The following SEC22C variants were observed in gnomAD, a reference collection of about 807,000 sequenced individuals.
SEC22C encodes the protein SEC22 homolog C, vesicle trafficking protein, also known as vesicle-trafficking protein SEC22c.
In SEC22C, 29 loss-of-function variants were observed where a neutral mutation model predicts 34.7. That is an observed-to-expected ratio of 0.84 (90% CI 0.62 to 1.14). The LOEUF (loss-of-function observed/expected upper bound fraction) is 1.14. Ranked by LOEUF, SEC22C falls within the 50% of genes most tolerant of loss-of-function variation. The probability of loss-of-function intolerance (pLI) is 0.00; values close to 1 mark genes in which losing one functional copy is unlikely to be tolerated. For missense variants in SEC22C, 337 were observed against 369.0 expected (o/e 0.91, Z 0.71); for synonymous variants, 117 against 132.8 (o/e 0.88, Z 0.82).
chr3:42,597,177 G>A (rs1234691816), intron 1 of SEC22C, among the ~76,000 whole-genome samples: 1 of 152,204 alleles, frequency 6.6e-6, no homozygotes, highest in Non-Finnish European at 1.5e-5. Flanking sequence ...TGGACTCTCA[G>A]GGAGGTAGAA....
rs1577330066 is a variant in SEC22C at position 42,569,166 on chromosome 3, C to A, written c.-27-93G>T. ...AAATGCCCACTCTAGGGTTTTTCAC[C>A]CTCATTCTTACTATAATTGCAAATG... On this transcript the variant is annotated intron_variant, in intron 1 of 6. Coordinates refer to ENST00000264454, the MANE Select transcript of SEC22C (RefSeq NM_032970.4). 11 of 760,928 alleles carry A rather than the reference C, an allele frequency of 1.4e-5. No individual in the cohort carries two copies. In the South Asian group the frequency reaches 2.0e-4, roughly 14 times the overall value. The allele number at this position is 760,928 out of a possible 1,614,324, so 47.1% of individuals were successfully genotyped here. A position where few individuals can be genotyped will look rare whatever the true frequency, so the allele number is the denominator to read the frequency against.
chr3:42,548,834 C>G lies in SEC22C; in HGVS notation c.*4414G>C, dbSNP rs777236431. On this transcript the variant is annotated 3_prime_UTR_variant, in exon 7 of 7. Coordinates refer to ENST00000264454, the MANE Select transcript of SEC22C (RefSeq NM_032970.4). ...CAGAAGAAATGGCTGTGCTGTGCTG[C>G]CTGAAGCAGAAAAACCTTCATGTAC... 56 of 1,412,314 alleles carry G rather than the reference C, an allele frequency of 4.0e-5. No individual in the cohort carries two copies. The highest frequency in any genetic ancestry group is 5.2e-5 in the Non-Finnish European group (56 of 1,083,082). 87.5% of individuals were successfully genotyped at this position (1,412,314 alleles called of 1,614,324 possible).
chr3:42,568,778 T>C (rs769838971), intron 2 of SEC22C, 87 bp downstream of exon 2: 15 of 1,081,432 alleles, frequency 1.4e-5, no homozygotes, highest in Non-Finnish European at 1.7e-5. Flanking sequence ...TAATACACAA[T>C]GTGATCAGCA....
rs1702868385 is a variant in SEC22C, at chr3:42,561,027, A to G, written c.526+90T>C. On this transcript the variant is annotated intron_variant, in intron 4 of 6. Coordinates refer to ENST00000264454, the MANE Select transcript of SEC22C (RefSeq NM_032970.4). ...ATTTTATACTACTCCCTCTCCCCAA[A>G]AAATAGCTTTCTAGTGAAAAAAAAA... The G allele has an allele frequency of 2.9e-6, 4 of 1,375,248 alleles. No homozygotes were observed. The East Asian group carries it at 6.9e-5, about 24-fold the overall frequency. The allele number at this position is 1,375,248 out of a possible 1,614,324, so 85.2% of individuals were successfully genotyped here. A position where few individuals can be genotyped will look rare whatever the true frequency, so the allele number is the denominator to read the frequency against.
chr3:42,580,948 T>C (rs955892457), intron 1 of SEC22C, among the ~76,000 whole-genome samples: 7 of 152,240 alleles, frequency 4.6e-5, no homozygotes, highest in African/African-American at 1.7e-4. Flanking sequence ...ATGATCATGT[T>C]ACTTTTTGAA....
chr3:42,593,042 AT>A (rs1414043229), intron 1 of SEC22C, among the ~76,000 whole-genome samples: 1 of 152,248 alleles, frequency 6.6e-6, no homozygotes, highest in African/African-American at 2.4e-5. Flanking sequence ...AATAAAAAAA[AT>A]ACAGTATAAC....
chr3:42,598,367 A>ACCCAC (rs1352908813), intron 1 of SEC22C, among the ~76,000 whole-genome samples: 2 of 149,458 alleles, frequency 1.3e-5, no homozygotes, highest in African/African-American at 4.9e-5. Flanking sequence ...TCGCACTGTC[A>ACCCAC]CCCAGGCTGG....
chr3:42,600,952 G>A (rs1289853115), intron 1 of SEC22C: 3 of 1,429,930 alleles, frequency 2.1e-6, no homozygotes, highest in African/African-American at 2.9e-5. Flanking sequence ...CCTCGCCCCT[G>A]CCCTGACCGC....
At position 42,557,514 on chromosome 3, in the gene SEC22C, C is replaced by T. The variant is rs2271183; in HGVS notation, c.645+64G>A. Reference sequence around the variant, plus strand: ...TCAGTTTTATAGATAAAATGTATCCCTATCACTTTCTTCTATCATATGTCC... The same window carrying T: ...TCAGTTTTATAGATAAAATGTATCCTTATCACTTTCTTCTATCATATGTCC... On this transcript the variant is annotated intron_variant, in intron 5 of 6. Coordinates refer to ENST00000264454, the MANE Select transcript of SEC22C (RefSeq NM_032970.4). The T allele has an allele frequency of 9.5e-4, 656 of 693,414 alleles. 6 individuals carry two copies. The East Asian group carries it at 0.018, about 19-fold the overall frequency. 43.0% of individuals were successfully genotyped at this position (693,414 alleles called of 1,614,324 possible).
chr3:42,594,362 T>C, intron 1 of SEC22C: 1 of 1,374,258 alleles, frequency 7.3e-7, no homozygotes, highest in Non-Finnish European at 1.0e-6. Context: ...TATTTTCCAG[T>C]TTTTTGTTCA....
chr3:42,559,082 T>C (rs1702720785), intron 4 of SEC22C, among the ~76,000 whole-genome samples: 1 of 152,246 alleles, frequency 6.6e-6, no homozygotes, highest in South Asian at 2.1e-4. Flanking sequence ...ATGCTCATTT[T>C]CTCTGTAAAG....
At chr3:42,588,097 T>C (rs560702395) in intron 1 of SEC22C, among the ~76,000 whole-genome samples, 31 of 146,684 alleles carry the variant, frequency 2.1e-4, no homozygotes, top group Non-Finnish European at 3.6e-4. Context: ...AAAACAACAA[T>C]AACAACAACA....
intron 1 of SEC22C, among the ~76,000 whole-genome samples, chr3:42,598,606 G>A (rs1705111890): frequency 6.6e-6 from 1 of 152,004 alleles, no homozygotes; most frequent in African/African-American, 2.4e-5. Flanking sequence ...AGGGATTACA[G>A]GTGTGAGCCA....
At chr3:42,563,786 C>A in intron 2 of SEC22C, 100 bp from the exon 3 acceptor site, 1 of 1,572,688 alleles carries the variant, frequency 6.4e-7, no homozygotes, top group Non-Finnish European at 8.6e-7. Context: ...ACTTGCTTGG[C>A]TTTAAACAGT....
intron 4 of SEC22C, among the ~76,000 whole-genome samples, chr3:42,560,116 C>CTATA (rs1321036793): frequency 1.3e-4 from 15 of 116,510 alleles, no homozygotes; most frequent in Non-Finnish European, 2.3e-4. Flanking sequence ...CTCTCTCTCT[C>CTATA]TCTCTATATA....
chr3:42,586,942 C>A (rs558482677), upstream of SEC22C, among the ~76,000 whole-genome samples: 1 of 152,192 alleles, frequency 6.6e-6, no homozygotes, highest in South Asian at 2.1e-4. Flanking sequence ...AGGGGCATCA[C>A]CAGTTTCTCA....
In SEC22C at chr3:42,561,260, T is replaced by C. The variant is rs781141820; in HGVS notation, c.383A>G (p.Tyr128Cys). ...IIQKVKWHFN[Y>C]VSSSQMECSL... ...GCACTCCATCTGAGAGGAACTTACATAGTTAAAATGCCACTTCACTTTCTG... is the reference window on the plus strand; with the variant it reads ...GCACTCCATCTGAGAGGAACTTACACAGTTAAAATGCCACTTCACTTTCTG... The change falls in exon 4 of 7, where the codon TAT (tyrosine) becomes TGT (cysteine). Residue 128 changes from tyrosine to cysteine, a missense_variant. By Grantham distance (194) the Tyr-to-Cys change is radical (BLOSUM62 -2). Transcript: ENST00000264454. 4 of 1,614,198 alleles carry C rather than the reference T, an allele frequency of 2.5e-6. No individual in the cohort carries two copies. The highest frequency in any genetic ancestry group is 3.4e-6 in the Non-Finnish European group (4 of 1,180,016).
rs538212819 is a variant in SEC22C, at chr3:42,552,280, C to T, written c.*968G>A. 1.5e-5 allele frequency: 15 copies of T among 985,332 alleles called. No individual in the cohort carries two copies. Among genetic ancestry groups the T allele is most frequent in the Middle Eastern group, 5.2e-4 (1 of 1,914 alleles). 61.0% of individuals were successfully genotyped at this position (985,332 alleles called of 1,614,324 possible). A position where few individuals can be genotyped will look rare whatever the true frequency, so the allele number is the denominator to read the frequency against. ...GCAGAGGAGTAATTAATTTTGGAGG[C>T]GCTCTGGGAACAGGTACACAGGGTA... On this transcript the variant is annotated 3_prime_UTR_variant, in exon 7 of 7. Coordinates refer to ENST00000264454, the MANE Select transcript of SEC22C (RefSeq NM_032970.4).
exon 1 of SEC22C, chr3:42,601,014 C>A: frequency 1.3e-6 from 2 of 1,576,628 alleles, no homozygotes; most frequent in Non-Finnish European, 1.7e-6. Flanking sequence ...GCGATGGGGG[C>A]GCAGGACCGG....
Sources: allele counts gnomAD v4.1 joint callset (sites outside exome capture counted in the v4.1 genomes callset), GRCh38; gene constraint gnomAD v4.1.1; transcripts MANE v1.5; gene names NCBI Gene and HGNC (gene_info 2026-07-23, HGNC 2026-07-21).